The following EPHA3 variants were observed in gnomAD, a reference collection of about 807,000 sequenced individuals.
EPHA3 encodes ephrin type-A receptor 3.
In EPHA3, 42 loss-of-function variants were observed where a neutral mutation model predicts 107.1. The observed-to-expected ratio is 0.39, with a 90% CI of 0.31 to 0.51. EPHA3 has a LOEUF of 0.51. EPHA3 is among the 20% of genes least tolerant of loss of function. The pLI, the probability that EPHA3 is intolerant of heterozygous loss-of-function variation, is 0.78. For missense variants in EPHA3, 1,183 were observed against 1,211.2 expected, an observed-to-expected ratio of 0.98 and a Z score of 0.35; for synonymous variants, 461 against 424.8, an observed-to-expected ratio of 1.09 and a Z score of -1.05.
rs145392655 is a variant in EPHA3, at chr3:89,256,123, T to C, written c.814+45603T>C. On this transcript the variant is annotated intron_variant, in intron 3 of 16. Coordinates refer to ENST00000336596, the MANE Select transcript of EPHA3 (RefSeq NM_005233.6). ...AAAAGTAGCCAGGCACAGTGGAGCG[T>C]ACCTGTAGTCCCAGCTACTCGGGAG... Among the ~76,000 whole-genome samples the C allele has an allele frequency of 1.0e-3, 159 of 151,876 alleles. 1 individual carries two copies. The highest frequency in any genetic ancestry group is 3.8e-3 in the African/African-American group (156 of 41,404).
intron 2 of EPHA3, among the ~76,000 whole-genome samples, chr3:89,169,460 C>G (rs1255009835): frequency 2.0e-5 from 3 of 152,054 alleles, no homozygotes; most frequent in Non-Finnish European, 4.4e-5. Context: ...TTAAATGATT[C>G]TTGCTTTTCA....
chr3:89,475,129 T>C (rs1305798333), intron 16 of EPHA3, among the ~76,000 whole-genome samples: 3 of 152,198 alleles, frequency 2.0e-5, no homozygotes, highest in African/African-American at 7.2e-5. Context: ...GCTCCTAATT[T>C]ATATTACAAA....
intron 5 of EPHA3, among the ~76,000 whole-genome samples, chr3:89,344,394 A>AT (rs1209954413): frequency 5.3e-5 from 8 of 152,120 alleles, no homozygotes; most frequent in African/African-American, 1.9e-4. Flanking sequence ...TCTCTCTCCC[A>AT]TTTAAAAAAA....
chr3:89,431,005 C>A, intron 12 of EPHA3, 145 bp from the exon 13 acceptor site: 1 of 692,912 alleles, frequency 1.4e-6, no homozygotes, highest in Non-Finnish European at 2.3e-6. Flanking sequence ...ATCCATTTGC[C>A]ACATATCTTT....
chr3:89,332,941 C>T (rs1258011681), intron 3 of EPHA3, among the ~76,000 whole-genome samples: 3 of 152,094 alleles, frequency 2.0e-5, no homozygotes, highest in African/African-American at 4.8e-5. Flanking sequence ...ATTAGTCAAC[C>T]GGAGACAAAA....
At chr3:89,207,041 G>C (rs1257754078) in intron 2 of EPHA3, among the ~76,000 whole-genome samples, 1 of 152,016 alleles carries the variant, frequency 6.6e-6, no homozygotes, top group African/African-American at 2.4e-5. Context: ...AAATAGTGCT[G>C]TTAACTTGTT....
At position 89,341,422 on chromosome 3, in the gene EPHA3, G is replaced by A. The variant is rs1707518307; in HGVS notation, c.971-333G>A. 2.0e-5 allele frequency among the ~76,000 whole-genome samples: 3 copies of A among 152,044 alleles called. No homozygotes were observed. The South Asian group carries it at 6.2e-4, about 32-fold the overall frequency. ...CCCTCTTGCTGTATGTTGGTCATAG[G>A]TCATAGGGAAAAAGGACTAAGAGTT... On this transcript the variant is annotated intron_variant, in intron 4 of 16. Transcript: ENST00000336596.
At chr3:89,187,418 G>T (rs1036644925) in intron 2 of EPHA3, among the ~76,000 whole-genome samples, 11 of 149,278 alleles carry the variant, frequency 7.4e-5, no homozygotes, top group Non-Finnish European at 7.4e-5. Flanking sequence ...ATTCATAAGT[G>T]TATAAAGCTA....
At chr3:89,274,823 A>G (rs1249637688) in intron 3 of EPHA3, among the ~76,000 whole-genome samples, 1 of 151,970 alleles carries the variant, frequency 6.6e-6, no homozygotes, top group East Asian at 1.9e-4. Flanking sequence ...GAGCCCAATA[A>G]TCATGCATAA....
intron 3 of EPHA3, among the ~76,000 whole-genome samples, chr3:89,218,329 C>T (rs1338309473): frequency 1.5e-5 from 2 of 135,528 alleles, no homozygotes; most frequent in Admixed American, 1.6e-4. Context: ...TGTGATGTTC[C>T]CCTTCCTGTG....
chr3:89,285,062 G>T (rs1285786805), intron 3 of EPHA3, among the ~76,000 whole-genome samples: 1 of 152,156 alleles, frequency 6.6e-6, no homozygotes, highest in Non-Finnish European at 1.5e-5. Flanking sequence ...GGGCAGAGGT[G>T]CAGTGAGCCG....
intron 1 of EPHA3, among the ~76,000 whole-genome samples, chr3:89,110,604 A>G (rs747286796): frequency 9.2e-5 from 14 of 151,994 alleles, no homozygotes; most frequent in Non-Finnish European, 1.6e-4. Flanking sequence ...ACAGAACTTT[A>G]TAAAAACTTT....
chr3:89,133,031 T>C (rs1307550833), intron 2 of EPHA3, among the ~76,000 whole-genome samples: 1 of 152,236 alleles, frequency 6.6e-6, no homozygotes, highest in Non-Finnish European at 1.5e-5. Context: ...AGAATACAAA[T>C]ACATATAATA....
At chr3:89,117,943 A>G (rs1427008630) in intron 1 of EPHA3, among the ~76,000 whole-genome samples, 1 of 152,062 alleles carries the variant, frequency 6.6e-6, no homozygotes, top group Non-Finnish European at 1.5e-5. Context: ...AACTGACAGC[A>G]TCATAGAAAA....
chr3:89,159,964 T>A (rs1266165002), intron 2 of EPHA3, among the ~76,000 whole-genome samples: 2 of 152,054 alleles, frequency 1.3e-5, no homozygotes, highest in Non-Finnish European at 2.9e-5. Context: ...CTTCTTCCTA[T>A]TTTTGTATTT....
chr3:89,477,911 A>G (rs1031769144), intron 16 of EPHA3, among the ~76,000 whole-genome samples: 4 of 152,202 alleles, frequency 2.6e-5, no homozygotes, highest in African/African-American at 9.6e-5. Context: ...AATCAGAAAG[A>G]AAGTCAATAT....
intron 15 of EPHA3, among the ~76,000 whole-genome samples, chr3:89,459,423 TACTCTTTC>T (rs1382045701): frequency 6.6e-6 from 1 of 151,832 alleles, no homozygotes; most frequent in African/African-American, 2.4e-5. Flanking sequence ...CTCTTTTTCT[TACTCTTTC>T]TTTCTTTCTT....
rs766063458 is a variant in EPHA3 at position 89,394,367 on chromosome 3, T to C, written c.1307-1470T>C. Reference sequence around the variant, plus strand: ...GAGATCACATCACTACACTCTAGCCTGGAAAACAAGGGCAAAACCCTGTCT... The same window carrying C: ...GAGATCACATCACTACACTCTAGCCCGGAAAACAAGGGCAAAACCCTGTCT... On this transcript the variant is annotated intron_variant, in intron 5 of 16. Coordinates refer to ENST00000336596, the MANE Select transcript of EPHA3 (RefSeq NM_005233.6). Among the ~76,000 whole-genome samples the C allele has an allele frequency of 2.0e-4, 31 of 152,156 alleles. 1 individual carries two copies. Among genetic ancestry groups the C allele is most frequent in the Admixed American group, 5.2e-4 (8 of 15,278 alleles).
intron 12 of EPHA3, 117 bp from the exon 13 acceptor site, chr3:89,431,033 C>G: frequency 9.6e-7 from 1 of 1,040,528 alleles, no homozygotes; most frequent in Non-Finnish European, 1.4e-6. Flanking sequence ...GTGCTTAGGA[C>G]TAAAGTGTGT....
Sources: gnomAD v4.1 joint callset for allele counts (sites outside exome capture counted in the v4.1 genomes callset) on GRCh38, gnomAD v4.1.1 for gene constraint, MANE v1.5 for transcripts, NCBI Gene and HGNC (gene_info 2026-07-23, HGNC 2026-07-21) for gene names.